PLA2G4A: variants seen among roughly 807,000 people sequenced by gnomAD.
The protein encoded by PLA2G4A is phospholipase A2 group IVA.
PLA2G4A carries 40 observed loss-of-function variants against 81.9 expected under a neutral mutation model. That is an observed-to-expected ratio of 0.49 (90% CI 0.38 to 0.64). PLA2G4A has a LOEUF of 0.64. Ranked by LOEUF, PLA2G4A falls within the 30% of genes least tolerant of loss-of-function variation. The pLI is 0.00. For missense variants in PLA2G4A, 715 were observed against 905.1 expected (o/e 0.79, Z 2.69); for synonymous variants, 302 against 296.9 (o/e 1.02, Z -0.18).
At chr1:186,854,166 C>T (rs1298459266) in intron 1 of PLA2G4A, 120 bp from the exon 2 acceptor site, 2 of 554,014 alleles carry the variant, frequency 3.6e-6, no homozygotes, top group African/African-American at 1.9e-5. Flanking sequence ...ACACAGGGAA[C>T]TCAACCTATC....
chr1:186,893,160 G>T lies in PLA2G4A; in HGVS notation c.264+1G>T. ...TCCTAATCAGGAAAATGTTTTGGAG[G>T]TAAGTGAACCATTTGGATGCTGTTA... On this transcript the variant is annotated splice_donor_variant, in intron 4 of 17. Coordinates refer to ENST00000367466, the MANE Select transcript of PLA2G4A (RefSeq NM_024420.3). LOFTEE classifies it high-confidence loss of function. 1 of 1,610,844 alleles carries T rather than the reference G, an allele frequency of 6.2e-7. No homozygotes were observed.
intron 3 of PLA2G4A, among the ~76,000 whole-genome samples, chr1:186,871,190 G>A (rs12720512): frequency 1.2e-3 from 188 of 152,190 alleles, no homozygotes; most frequent in African/African-American, 4.2e-3. Flanking sequence ...GAAATGATGC[G>A]ATCCACAGCC....
At chr1:186,909,997 G>A (rs1402998951) in intron 6 of PLA2G4A, among the ~76,000 whole-genome samples, 1 of 151,858 alleles carries the variant, frequency 6.6e-6, no homozygotes, top group African/African-American at 2.4e-5. Context: ...TCCTTTCTAG[G>A]ACTAGAAAAT....
rs572718164 is a variant in PLA2G4A, at chr1:186,884,222, A to G, written c.116-8789A>G. On this transcript the variant is annotated intron_variant, in intron 3 of 17. Coordinates refer to ENST00000367466, the MANE Select transcript of PLA2G4A (RefSeq NM_024420.3). ...ATTTTTTAAATTGTGAGATATAGGGAAGGAAAATTGAAGGACTACATCTAA... is the reference window on the plus strand; with the variant it reads ...ATTTTTTAAATTGTGAGATATAGGGGAGGAAAATTGAAGGACTACATCTAA... 1.6e-3 allele frequency among the ~76,000 whole-genome samples: 244 copies of G among 151,906 alleles called. 2 individuals carry two copies. Among genetic ancestry groups the G allele is most frequent in the African/African-American group, 5.7e-3 (236 of 41,488 alleles).
At chr1:186,898,084 A>G (rs1249011405) in intron 5 of PLA2G4A, among the ~76,000 whole-genome samples, 1 of 152,170 alleles carries the variant, frequency 6.6e-6, no homozygotes, top group Admixed American at 6.5e-5. Context: ...TTCTTCACCC[A>G]AAAGCTTCCA....
intron 1 of PLA2G4A, among the ~76,000 whole-genome samples, chr1:186,846,661 C>T (rs1182595274): frequency 6.6e-6 from 1 of 152,094 alleles, no homozygotes; most frequent in African/African-American, 2.4e-5. Context: ...ACAACCTCTA[C>T]TTTTTTATTA....
intron 7 of PLA2G4A, among the ~76,000 whole-genome samples, chr1:186,920,772 G>A (rs541095626): frequency 2.0e-4 from 30 of 152,270 alleles, no homozygotes; most frequent in African/African-American, 6.3e-4. Flanking sequence ...CCAGTAAGTC[G>A]GCGTTTCGCC....
At chr1:186,830,805 C>T (rs1053800400) in intron 1 of PLA2G4A, among the ~76,000 whole-genome samples, 3 of 151,736 alleles carry the variant, frequency 2.0e-5, no homozygotes, top group Non-Finnish European at 4.4e-5. Context: ...GTCATAAAAT[C>T]GAATCATCTA....
chr1:186,922,262 C>T (rs1224101141), intron 7 of PLA2G4A, among the ~76,000 whole-genome samples: 7 of 152,118 alleles, frequency 4.6e-5, no homozygotes, highest in Non-Finnish European at 1.0e-4. Flanking sequence ...TCAAGAAATC[C>T]AAGTCAGGTC....
chr1:186,829,319 A>G (rs541778852), intron 1 of PLA2G4A, among the ~76,000 whole-genome samples: 12 of 152,322 alleles, frequency 7.9e-5, no homozygotes, highest in Admixed American at 2.0e-4. Flanking sequence ...GAAAGTTAGC[A>G]TTCAAAACGG....
chr1:186,967,547 C>A (rs1159438325), intron 15 of PLA2G4A, among the ~76,000 whole-genome samples: 4 of 149,504 alleles, frequency 2.7e-5, no homozygotes, highest in African/African-American at 9.8e-5. Context: ...TTTTTTGGGG[C>A]AAAGACTTTT....
chr1:186,850,877 A>G (rs1652348404), intron 1 of PLA2G4A, among the ~76,000 whole-genome samples: 1 of 152,058 alleles, frequency 6.6e-6, no homozygotes, highest in South Asian at 2.1e-4. Context: ...ATTTATTTTT[A>G]AGTGGCAAAT....
intron 1 of PLA2G4A, among the ~76,000 whole-genome samples, chr1:186,851,610 G>T (rs1015291579): frequency 1.3e-5 from 2 of 151,882 alleles, no homozygotes; most frequent in Non-Finnish European, 2.9e-5. Flanking sequence ...TGTTGTAATA[G>T]AAATAGCACA....
intron 8 of PLA2G4A, among the ~76,000 whole-genome samples, chr1:186,934,217 T>C (rs1177330030): frequency 2.0e-5 from 3 of 151,930 alleles, no homozygotes; most frequent in Admixed American, 6.6e-5. Context: ...GTTTATTACA[T>C]CCTGTTGTCC....
chr1:186,859,945 A>T (rs2102038895), intron 2 of PLA2G4A, among the ~76,000 whole-genome samples: 1 of 152,296 alleles, frequency 6.6e-6, no homozygotes, highest in Non-Finnish European at 1.5e-5. Flanking sequence ...ATATTTTTAG[A>T]AAAGTTAGAT....
At chr1:186,961,839 T>C (rs952861980) in intron 14 of PLA2G4A, among the ~76,000 whole-genome samples, 5 of 152,168 alleles carry the variant, frequency 3.3e-5, no homozygotes, top group Admixed American at 2.6e-4. Flanking sequence ...GTAATCTTCC[T>C]CCCTTATTCA....
intron 2 of PLA2G4A, among the ~76,000 whole-genome samples, chr1:186,870,102 T>C (rs1653198234): frequency 6.6e-6 from 1 of 152,182 alleles, no homozygotes. Context: ...TTCACCTTTA[T>C]AAGCCAGGGC....
chr1:186,976,747 C>T (rs1298488713), intron 15 of PLA2G4A, among the ~76,000 whole-genome samples: 1 of 152,106 alleles, frequency 6.6e-6, no homozygotes, highest in African/African-American at 2.4e-5. Flanking sequence ...TTTATGTTCT[C>T]CAGTTTAAAT....
At chr1:186,903,168 A>G (rs1412972475) in intron 5 of PLA2G4A, among the ~76,000 whole-genome samples, 1 of 152,178 alleles carries the variant, frequency 6.6e-6, no homozygotes, top group Non-Finnish European at 1.5e-5. Flanking sequence ...AGCAGAACAT[A>G]TTATGTAATT....
Sources: allele counts gnomAD v4.1 joint callset (sites outside exome capture counted in the v4.1 genomes callset), GRCh38; gene constraint gnomAD v4.1.1; transcripts MANE v1.5; gene names NCBI Gene and HGNC (gene_info 2026-07-23, HGNC 2026-07-21).